The following CACNG2 variants were observed in gnomAD, a reference collection of about 807,000 sequenced individuals.
CACNG2 encodes voltage-dependent calcium channel gamma-2 subunit.
CACNG2 carries 3 observed loss-of-function variants against 25.9 expected under a neutral mutation model. The ratio of observed to expected loss-of-function variants is 0.12; its 90% CI spans 0.05 to 0.30. CACNG2 has a LOEUF of 0.30. Ranked by LOEUF, CACNG2 falls within the 10% of genes least tolerant of loss-of-function variation. The pLI is 1.00. For missense variants in CACNG2, 341 were observed against 432.5 expected, an observed-to-expected ratio of 0.79 and a Z score of 1.88; for synonymous variants, 167 against 173.3, an observed-to-expected ratio of 0.96 and a Z score of 0.29.
intron 1 of CACNG2, among the ~76,000 whole-genome samples, chr22:36,678,735 T>C (rs1455970705): frequency 6.6e-6 from 1 of 150,858 alleles, no homozygotes; most frequent in African/African-American, 2.4e-5. Context: ...GCCACCATGG[T>C]TACCTTCTCT....
intron 1 of CACNG2, among the ~76,000 whole-genome samples, chr22:36,621,274 G>A (rs1351660599): frequency 1.3e-5 from 2 of 152,196 alleles, no homozygotes; most frequent in African/African-American, 2.4e-5. Flanking sequence ...TTGGGAGGCC[G>A]AGGCGGGCGA....
intron 1 of CACNG2, among the ~76,000 whole-genome samples, chr22:36,657,352 G>C (rs1043807457): frequency 2.0e-5 from 3 of 152,156 alleles, no homozygotes; most frequent in African/African-American, 7.2e-5. Flanking sequence ...ATTATAATTT[G>C]TGGTCAGACT....
intron 2 of CACNG2, among the ~76,000 whole-genome samples, chr22:36,571,594 G>A (rs1935225849): frequency 6.6e-6 from 1 of 151,304 alleles, no homozygotes; most frequent in Non-Finnish European, 1.5e-5. Context: ...AATTAAATTG[G>A]GGCTGGGCTC....
At chr22:36,572,921 A>G (rs1935255764) in intron 2 of CACNG2, among the ~76,000 whole-genome samples, 1 of 152,206 alleles carries the variant, frequency 6.6e-6, no homozygotes, top group Non-Finnish European at 1.5e-5. Context: ...TGGGCTTGGC[A>G]TGAGAGACAT....
intron 1 of CACNG2, among the ~76,000 whole-genome samples, chr22:36,665,510 T>C (rs1936863417): frequency 6.6e-6 from 1 of 152,178 alleles, no homozygotes; most frequent in Admixed American, 6.5e-5. Context: ...TTAAAACCCA[T>C]GAGTGCAAAA....
At chr22:36,677,024 C>T (rs1455179086) in intron 1 of CACNG2, among the ~76,000 whole-genome samples, 1 of 150,248 alleles carries the variant, frequency 6.7e-6, no homozygotes, top group Admixed American at 6.7e-5. Flanking sequence ...AAGAATAATA[C>T]TTCGGTGTCA....
At chr22:36,626,759 A>G (rs185182021) in intron 1 of CACNG2, among the ~76,000 whole-genome samples, 74 of 152,386 alleles carry the variant, frequency 4.9e-4, no homozygotes, top group Non-Finnish European at 9.4e-4. Flanking sequence ...GAAAAGTCCC[A>G]GTTGATTAAG....
At chr22:36,674,195 G>A (rs1029691111) in intron 1 of CACNG2, among the ~76,000 whole-genome samples, 1 of 152,204 alleles carries the variant, frequency 6.6e-6, no homozygotes, top group Non-Finnish European at 1.5e-5. Flanking sequence ...CTGCACTCTT[G>A]GCTCCACCAC....
chr22:36,643,364 A>C (rs1936470902), intron 1 of CACNG2, among the ~76,000 whole-genome samples: 1 of 151,296 alleles, frequency 6.6e-6, no homozygotes, highest in African/African-American at 2.4e-5. Context: ...CTAAGCCCCA[A>C]CTATATGCTG....
intron 2 of CACNG2, among the ~76,000 whole-genome samples, chr22:36,567,469 A>T (rs1301249477): frequency 6.6e-6 from 1 of 152,170 alleles, no homozygotes. Flanking sequence ...CAAAGAAAAC[A>T]AAGTAAGAAG....
At chr22:36,585,366 A>G (rs1307107827) in intron 2 of CACNG2, 2 of 152,192 alleles carry the variant, frequency 1.3e-5, no homozygotes, top group African/African-American at 4.8e-5. Context: ...TAGAAAAATC[A>G]TCCCCGTCTT....
At chr22:36,697,230 G>T (rs920503955) in intron 1 of CACNG2, among the ~76,000 whole-genome samples, 1 of 152,164 alleles carries the variant, frequency 6.6e-6, no homozygotes, top group Non-Finnish European at 1.5e-5. Flanking sequence ...ACCCTGAAAG[G>T]TGCAAAGCAG....
chr22:36,595,650 G>T (rs1294645829), intron 1 of CACNG2, among the ~76,000 whole-genome samples: 1 of 152,132 alleles, frequency 6.6e-6, no homozygotes, highest in East Asian at 1.9e-4. Context: ...GGAGTGCAGG[G>T]GTCTCACTGC....
chr22:36,586,354 C>T (rs1375548064), intron 2 of CACNG2, among the ~76,000 whole-genome samples: 1 of 152,140 alleles, frequency 6.6e-6, no homozygotes, highest in Non-Finnish European at 1.5e-5. Context: ...TTAAGAGCAA[C>T]GTCTTGAAGG....
chr22:36,565,390 T>C (rs1935108624), intron 3 of CACNG2, among the ~76,000 whole-genome samples: 3 of 152,202 alleles, frequency 2.0e-5, no homozygotes, highest in Non-Finnish European at 4.4e-5. Flanking sequence ...TCCAGATCTG[T>C]AGAATGGGAG....
chr22:36,618,630 C>T (rs1406138458), intron 1 of CACNG2, among the ~76,000 whole-genome samples: 1 of 152,178 alleles, frequency 6.6e-6, no homozygotes, highest in East Asian at 1.9e-4. Flanking sequence ...GGGAATAAAA[C>T]TTAGAGAAGG....
chr22:36,574,749 T>A (rs527935697), intron 2 of CACNG2, among the ~76,000 whole-genome samples: 29 of 152,244 alleles, frequency 1.9e-4, no homozygotes, highest in Non-Finnish European at 3.5e-4. Flanking sequence ...GCCATTGCAC[T>A]CCAGCCTGGG....
chr22:36,573,032 A>G (rs761564800), intron 2 of CACNG2, among the ~76,000 whole-genome samples: 9 of 152,206 alleles, frequency 5.9e-5, no homozygotes, highest in Non-Finnish European at 1.3e-4. Flanking sequence ...ATAACGTGCT[A>G]TGAAAGAAAA....
At chr22:36,625,988 C>G (rs1358694019) in intron 1 of CACNG2, among the ~76,000 whole-genome samples, 1 of 152,120 alleles carries the variant, frequency 6.6e-6, no homozygotes, top group Admixed American at 6.6e-5. Flanking sequence ...GGCGAAATCT[C>G]GGCTCACTGC....
Sources: gnomAD v4.1 joint callset for allele counts (sites outside exome capture counted in the v4.1 genomes callset) on GRCh38, gnomAD v4.1.1 for gene constraint, MANE v1.5 for transcripts, NCBI Gene and HGNC (gene_info 2026-07-23, HGNC 2026-07-21) for gene names.